LRP2: variants seen among roughly 807,000 people sequenced by gnomAD.
LRP2 encodes the protein LDL receptor related protein 2, also known as low-density lipoprotein receptor-related protein 2.
LRP2 carries 172 observed loss-of-function variants against 531.0 expected under a neutral mutation model. The observed-to-expected ratio is 0.32, with a 90% CI of 0.29 to 0.37. LRP2 has a LOEUF of 0.37. LRP2 is among the 10% of genes least tolerant of loss of function. LRP2 has a pLI of 1.00. For synonymous variants in LRP2, 1,992 were observed against 2,027.6 expected, an observed-to-expected ratio of 0.98 and a Z score of 0.47; for missense variants, 5,167 against 5,868.3, an observed-to-expected ratio of 0.88 and a Z score of 3.90.
At chr2:169,323,386 C>T (rs1054925542) in intron 1 of LRP2, among the ~76,000 whole-genome samples, 1 of 152,168 alleles carries the variant, frequency 6.6e-6, no homozygotes, top group African/African-American at 2.4e-5. Context: ...CAAAATGCTT[C>T]ACTGGCCTCA....
At chr2:169,225,238 T>A in intron 33 of LRP2, 72 bp downstream of exon 33, 1 of 1,489,544 alleles carries the variant, frequency 6.7e-7, no homozygotes, top group Non-Finnish European at 9.4e-7. Flanking sequence ...CCACGTGAGA[T>A]CTATTCCTGA....
intron 59 of LRP2, among the ~76,000 whole-genome samples, chr2:169,170,060 T>C (rs1044247601): frequency 6.6e-6 from 1 of 152,214 alleles, no homozygotes; most frequent in Non-Finnish European, 1.5e-5. Context: ...TCTTAAGCTT[T>C]TCCTCAGAAA....
At chr2:169,139,766 A>AGAAGACAT (rs1685653361) in intron 72 of LRP2, 156 bp from the exon 73 acceptor site, 7 of 729,888 alleles carry the variant, frequency 9.6e-6, no homozygotes, top group Non-Finnish European at 1.7e-5. Context: ...TTCTGCCAAG[A>AGAAGACAT]GAAGACAAGC....
At chr2:169,176,326 A>G in intron 54 of LRP2, 85 bp downstream of exon 54, 1 of 1,530,232 alleles carries the variant, frequency 6.5e-7, no homozygotes, top group East Asian at 2.3e-5. Context: ...GTCTCACTAG[A>G]AAACTCCCAT....
chr2:169,244,481 C>T (rs2105389260), intron 22 of LRP2, among the ~76,000 whole-genome samples: 1 of 152,282 alleles, frequency 6.6e-6, no homozygotes. Context: ...TTCCATAGAA[C>T]TCAATATTTG....
chr2:169,139,993 T>TG (rs1450913840), intron 72 of LRP2, among the ~76,000 whole-genome samples: 1 of 152,248 alleles, frequency 6.6e-6, no homozygotes, highest in Non-Finnish European at 1.5e-5. Flanking sequence ...GTTAGAGTTT[T>TG]CGCAACACAG....
rs746146897 is a variant in LRP2, at chr2:169,152,975, A to G, written c.12296-11T>C. 1 of 1,613,384 alleles carries G rather than the reference A, an allele frequency of 6.2e-7. No homozygotes were observed. Among genetic ancestry groups the G allele is most frequent in the Admixed American group, 1.7e-5 (1 of 60,014 alleles). ...TGTAATACACAACACCTACAGAGGA[A>G]GACACACAGGTCAGTTTCATGTCAA... On this transcript the variant is annotated splice_polypyrimidine_tract_variant and intron_variant, in intron 66 of 78. Coordinates refer to ENST00000649046, the MANE Select transcript of LRP2 (RefSeq NM_004525.3).
chr2:169,287,993 C>T (rs1225738069), intron 9 of LRP2, among the ~76,000 whole-genome samples: 1 of 151,918 alleles, frequency 6.6e-6, no homozygotes, highest in East Asian at 1.9e-4. Context: ...TAAGGAATAT[C>T]AAAAGAATAT....
At chr2:169,151,080 TG>T in intron 67 of LRP2, 54 bp from the exon 68 acceptor site, 1 of 1,598,908 alleles carries the variant, frequency 6.3e-7, no homozygotes, top group Non-Finnish European at 8.6e-7. Context: ...TAATCATTAC[TG>T]GGTAAGAGGT....
chr2:169,246,696 G>GC lies in LRP2; in HGVS notation c.3190+8dup. On this transcript the variant is annotated intron_variant, in intron 21 of 78. Coordinates refer to ENST00000649046, the MANE Select transcript of LRP2 (RefSeq NM_004525.3). ...TCCCAGGAAATATCGCCAGTGCATA[G>GC]CTACTTACTAAGTGTGCCACATAGT... is the stretch of plus-strand genomic sequence containing the variant. The GC allele has an allele frequency of 8.1e-6, 13 of 1,614,078 alleles. No individual in the cohort carries two copies. Among genetic ancestry groups the GC allele is most frequent in the Non-Finnish European group, 1.1e-5 (13 of 1,179,948 alleles).
intron 1 of LRP2, among the ~76,000 whole-genome samples, chr2:169,346,176 A>C (rs918366958): frequency 5.9e-5 from 9 of 152,238 alleles, no homozygotes; most frequent in African/African-American, 1.4e-4. Context: ...GAAAGTGTTC[A>C]ATACAATATG....
chr2:169,331,922 A>G (rs1312184475), intron 1 of LRP2, among the ~76,000 whole-genome samples: 1 of 152,250 alleles, frequency 6.6e-6, no homozygotes. Context: ...TGAGAAATAA[A>G]TGACAAGAGA....
rs769388083 is a variant in LRP2, at chr2:169,213,680, C to A, written c.6017G>T (p.Gly2006Val). ...VLRDNVPNLR[G>V]LQVYHRRNAA... ...ACTGCGTCTGTGATAAACTTGAAGA[C>A]CCCTCAGATTTGGAACATTATCTCT... The change falls in exon 36 of 79, where the codon GGT (glycine) becomes GTT (valine). Residue 2006 changes from glycine (G) to valine (V), a missense_variant. Coordinates refer to ENST00000649046, the MANE Select transcript of LRP2 (RefSeq NM_004525.3). 2.5e-6 allele frequency: 4 copies of A among 1,612,960 alleles called. No individual in the cohort carries two copies. Among genetic ancestry groups the A allele is most frequent in the Non-Finnish European group, 3.4e-6 (4 of 1,179,754 alleles).
At position 169,244,864 on chromosome 2, in the gene LRP2, C is replaced by G. The variant is rs773452299; in HGVS notation, c.3259G>C (p.Asp1087His). The change falls in exon 22 of 79, where the codon GAC (aspartate) becomes CAC (histidine). Residue 1087 changes from aspartate to histidine, a missense_variant. Asp to His is a moderately conservative substitution (Grantham distance 81). Around this residue, in one of 6 missense-constraint regions of LRP2, gnomAD observed 2,811 missense variants for 3,058.0 expected, o/e 0.92. Transcript: ENST00000649046. ...CCATCCACACAGTCGTTGCGTTTGT[C>G]ACAGCGCCAGTGTGCAGGAATGCAC... ...GECIPAHWRCDKRNDCVDGSD... is the reference protein window; with the variant it reads ...GECIPAHWRCHKRNDCVDGSD... 1 of 1,614,248 alleles carries G rather than the reference C, an allele frequency of 6.2e-7. No individual in the cohort carries two copies. Among genetic ancestry groups the G allele is most frequent in the Non-Finnish European group, 8.5e-7 (1 of 1,180,046 alleles).
chr2:169,327,281 G>T (rs1193156815), intron 1 of LRP2, among the ~76,000 whole-genome samples: 3 of 99,754 alleles, frequency 3.0e-5, no homozygotes, highest in Admixed American at 9.4e-5. Context: ...TCAGCCCCCC[G>T]CCCGGCCAGC....
At chr2:169,336,264 G>C (rs1048746179) in intron 1 of LRP2, among the ~76,000 whole-genome samples, 1 of 151,844 alleles carries the variant, frequency 6.6e-6, no homozygotes, top group Non-Finnish European at 1.5e-5. Flanking sequence ...GAGGCCAGGC[G>C]CAGTGGCTCA....
At chr2:169,234,102 T>C (rs1476631268) in intron 29 of LRP2, among the ~76,000 whole-genome samples, 1 of 152,212 alleles carries the variant, frequency 6.6e-6, no homozygotes, top group African/African-American at 2.4e-5. Context: ...ACAATAGCAA[T>C]TTTTTCTCTT....
chr2:169,330,428 C>T (rs1049159499), intron 1 of LRP2, among the ~76,000 whole-genome samples: 1 of 152,116 alleles, frequency 6.6e-6, no homozygotes, highest in Non-Finnish European at 1.5e-5. Context: ...ACTGAGCTAC[C>T]CTTCTCCATT....
At chr2:169,360,145 AAAAG>A (rs1441292617) in intron 1 of LRP2, among the ~76,000 whole-genome samples, 155 of 47,412 alleles carry the variant, frequency 3.3e-3, no homozygotes, top group African/African-American at 7.7e-3. Context: ...AAAAAAAAAA[AAAAG>A]AGAGAGAGAG....
Sources: allele counts gnomAD v4.1 joint callset (sites outside exome capture counted in the v4.1 genomes callset), GRCh38; gene constraint gnomAD v4.1.1; regional missense constraint gnomAD v4.1.1; transcripts MANE v1.5; gene names NCBI Gene and HGNC (gene_info 2026-07-23, HGNC 2026-07-21).